Variants in ASAP1 observed in about 807,000 individuals in gnomAD.
ASAP1 encodes ArfGAP with SH3 domain, ankyrin repeat and PH domain 1, also known as arf-GAP with SH3 domain, ANK repeat and PH domain-containing protein 1.
Under a neutral mutation model 145.2 loss-of-function variants are expected in ASAP1, and 43 were observed. The ratio of observed to expected loss-of-function variants is 0.30; its 90% CI spans 0.23 to 0.38. The LOEUF (loss-of-function observed/expected upper bound fraction) is 0.38. Among genes scored for constraint, ASAP1 ranks in the 10% least tolerant of loss-of-function variants. ASAP1 has a pLI of 1.00. For missense variants in ASAP1, 1,018 were observed against 1,355.3 expected, an observed-to-expected ratio of 0.75 and a Z score of 3.91; for synonymous variants, 546 against 515.5, an observed-to-expected ratio of 1.06 and a Z score of -0.80.
At chr8:130,127,257 C>T (rs1309454351) in intron 16 of ASAP1, among the ~76,000 whole-genome samples, 2 of 152,156 alleles carry the variant, frequency 1.3e-5, no homozygotes, top group African/African-American at 4.8e-5. Context: ...CGCTCTGTCG[C>T]CCAGGCTAGA....
chr8:130,321,929 G>C (rs1298323399), intron 3 of ASAP1, among the ~76,000 whole-genome samples: 1 of 152,120 alleles, frequency 6.6e-6, no homozygotes, highest in Admixed American at 6.5e-5. Context: ...CATTATACCT[G>C]GCATATAACA....
At chr8:130,294,812 A>G (rs1021747607) in intron 3 of ASAP1, among the ~76,000 whole-genome samples, 2 of 152,214 alleles carry the variant, frequency 1.3e-5, no homozygotes, top group Non-Finnish European at 2.9e-5. Context: ...CAAATTACAA[A>G]TGACTCTTTG....
intron 3 of ASAP1, among the ~76,000 whole-genome samples, chr8:130,249,578 C>T (rs181349710): frequency 6.6e-6 from 1 of 152,104 alleles, no homozygotes; most frequent in African/African-American, 2.4e-5. Flanking sequence ...TTTCACTGCC[C>T]CCCTTCCCCA....
chr8:130,135,899 C>A (rs1228160198), intron 14 of ASAP1, among the ~76,000 whole-genome samples: 1 of 152,158 alleles, frequency 6.6e-6, no homozygotes, highest in Non-Finnish European at 1.5e-5. Context: ...CTGCAGAATA[C>A]AGTTTCGACT....
At chr8:130,095,353 T>A (rs147358595) in intron 24 of ASAP1, among the ~76,000 whole-genome samples, 2,802 of 143,372 alleles carry the variant, frequency 0.02, 93 homozygotes, top group African/African-American at 0.069. Flanking sequence ...CAGGCTGGAG[T>A]GCAGTGGCGT....
chr8:130,198,510 A>G (rs1406389498), intron 5 of ASAP1, among the ~76,000 whole-genome samples: 1 of 152,180 alleles, frequency 6.6e-6, no homozygotes, highest in Non-Finnish European at 1.5e-5. Context: ...GGCAGTCTCC[A>G]TAAACTGTAA....
At chr8:130,434,455 T>C (rs1444726626) in intron 1 of ASAP1, among the ~76,000 whole-genome samples, 1 of 152,216 alleles carries the variant, frequency 6.6e-6, no homozygotes, top group Non-Finnish European at 1.5e-5. Flanking sequence ...GCCTATTTCA[T>C]AGGGTTATTA....
At chr8:130,209,713 A>ATGGT (rs148875199) in intron 5 of ASAP1, among the ~76,000 whole-genome samples, 1,950 of 152,240 alleles carry the variant, frequency 0.013, 45 homozygotes, top group African/African-American at 0.045. Context: ...CCAAAATATG[A>ATGGT]TGGTTGTTTT....
chr8:130,077,420 T>G (rs377251281), intron 26 of ASAP1, among the ~76,000 whole-genome samples: 68 of 152,238 alleles, frequency 4.5e-4, no homozygotes, highest in African/African-American at 1.5e-3. Context: ...GAGGCCTGCA[T>G]GCCTGAGAAG....
chr8:130,385,616 G>A (rs921332664), intron 2 of ASAP1, among the ~76,000 whole-genome samples: 5 of 152,240 alleles, frequency 3.3e-5, no homozygotes, highest in South Asian at 2.1e-4. Context: ...GACTCTCTCA[G>A]AGGGAAGTGA....
chr8:130,090,011 C>T (rs2097502233), intron 25 of ASAP1, among the ~76,000 whole-genome samples: 1 of 152,094 alleles, frequency 6.6e-6, no homozygotes, highest in Non-Finnish European at 1.5e-5. Context: ...AGAACAGCGT[C>T]CTCATCTGGA....
In ASAP1 at chr8:130,358,009, C is replaced by T. The variant is rs1826445516; in HGVS notation, c.186+8G>A. 1.9e-6 allele frequency: 3 copies of T among 1,601,872 alleles called. No individual in the cohort carries two copies. The highest frequency in any genetic ancestry group is 2.6e-6 in the Non-Finnish European group (3 of 1,176,338). ...AGCGTGGACGGCGGGGGTCCCGGCCCGACCTACCTCCTCCAGCAGCGTGAC... is the reference window on the plus strand; with the variant it reads ...AGCGTGGACGGCGGGGGTCCCGGCCTGACCTACCTCCTCCAGCAGCGTGAC... On this transcript the variant is annotated splice_region_variant and intron_variant, in intron 3 of 29. Coordinates refer to ENST00000518721, the MANE Select transcript of ASAP1 (RefSeq NM_018482.4). This position sits in a 1 kb window ranked among gnomAD's most constrained non-coding sequence, Gnocchi z 4.1.
At chr8:130,070,223 G>C (rs1166923466) in intron 27 of ASAP1, among the ~76,000 whole-genome samples, 1 of 152,114 alleles carries the variant, frequency 6.6e-6, no homozygotes, top group Non-Finnish European at 1.5e-5. Flanking sequence ...TTTTTTAGTA[G>C]AGACGGGGTT....
chr8:130,276,755 C>T (rs1345535733), intron 3 of ASAP1, among the ~76,000 whole-genome samples: 2 of 150,954 alleles, frequency 1.3e-5, no homozygotes, highest in Admixed American at 6.6e-5. Context: ...CTCTCTCTCT[C>T]TCTCTCCTCT....
chr8:130,207,068 A>G (rs960106003), intron 5 of ASAP1, among the ~76,000 whole-genome samples: 2 of 152,218 alleles, frequency 1.3e-5, no homozygotes. Flanking sequence ...AACAGCTAAA[A>G]CTCAAGAGCA....
intron 9 of ASAP1, 196 bp downstream of exon 9, chr8:130,179,068 C>A: frequency 6.8e-6 from 3 of 439,080 alleles, no homozygotes; most frequent in South Asian, 4.4e-5. Context: ...ATTTTTAAGC[C>A]CTAATTTGAG....
chr8:130,251,598 C>T (rs1259420398), intron 3 of ASAP1, among the ~76,000 whole-genome samples: 4 of 151,728 alleles, frequency 2.6e-5, no homozygotes, highest in African/African-American at 4.8e-5. Context: ...ACAAACAAAA[C>T]CAAGACAAAA....
intron 3 of ASAP1, among the ~76,000 whole-genome samples, chr8:130,256,758 T>TCC (rs1819572697): frequency 2.2e-5 from 2 of 92,996 alleles, no homozygotes; most frequent in African/African-American, 3.8e-5. Flanking sequence ...TATATATATA[T>TCC]ATATATATAT....
At chr8:130,126,338 T>C (rs2097574927) in intron 16 of ASAP1, among the ~76,000 whole-genome samples, 1 of 152,194 alleles carries the variant, frequency 6.6e-6, no homozygotes, top group African/African-American at 2.4e-5. Flanking sequence ...TAAGAGACCC[T>C]ATGCAACACC....
Sources: gnomAD v4.1 joint callset for allele counts (sites outside exome capture counted in the v4.1 genomes callset) on GRCh38, gnomAD v4.1.1 for gene constraint, Gnocchi (gnomAD v3.1) non-coding constraint, MANE v1.5 for transcripts, NCBI Gene and HGNC (gene_info 2026-07-23, HGNC 2026-07-21) for gene names.